Variants in BBS9 observed in about 807,000 individuals in gnomAD.
BBS9 encodes protein PTHB1.
Under a neutral mutation model 117.7 loss-of-function variants are expected in BBS9, and 89 were observed. That is an observed-to-expected ratio of 0.76 (90% CI 0.64 to 0.90). The LOEUF (loss-of-function observed/expected upper bound fraction) is 0.90, where lower values mean the gene tolerates loss of function less well. BBS9 is among the 40% of genes least tolerant of loss of function. The pLI, the probability that BBS9 is intolerant of heterozygous loss-of-function variation, is 0.00. For missense variants in BBS9, 982 were observed against 1,042.2 expected, an observed-to-expected ratio of 0.94 and a Z score of 0.80; for synonymous variants, 379 against 370.9, an observed-to-expected ratio of 1.02 and a Z score of -0.25.
At chr7:33,495,293 C>T (rs1844556316) in intron 19 of BBS9, among the ~76,000 whole-genome samples, 1 of 152,172 alleles carries the variant, frequency 6.6e-6, no homozygotes, top group Non-Finnish European at 1.5e-5. Context: ...GCACTTGCTA[C>T]CTTAGCTAAA....
At chr7:33,549,680 C>T (rs1274643004) in intron 21 of BBS9, among the ~76,000 whole-genome samples, 4 of 151,724 alleles carry the variant, frequency 2.6e-5, no homozygotes, top group Admixed American at 1.3e-4. Context: ...TGAAAAAATG[C>T]TCATCATCAC....
chr7:33,384,056 G>A (rs926458051), intron 18 of BBS9, among the ~76,000 whole-genome samples: 4 of 152,146 alleles, frequency 2.6e-5, no homozygotes, highest in East Asian at 1.9e-4. Flanking sequence ...TAACCATGTC[G>A]TCTGGCCCTG....
chr7:33,144,500 C>A (rs1792029455), intron 1 of BBS9, among the ~76,000 whole-genome samples: 1 of 152,222 alleles, frequency 6.6e-6, no homozygotes, highest in African/African-American at 2.4e-5. Flanking sequence ...ATGTTCCCAG[C>A]TGATGTTAAA....
chr7:33,478,282 G>A (rs1202684832), intron 19 of BBS9, among the ~76,000 whole-genome samples: 2 of 152,116 alleles, frequency 1.3e-5, no homozygotes, highest in Non-Finnish European at 2.9e-5. Flanking sequence ...GTTTCAAGGG[G>A]TTTACCAACA....
At chr7:33,402,348 C>T (rs916941037) in intron 19 of BBS9, among the ~76,000 whole-genome samples, 5 of 152,072 alleles carry the variant, frequency 3.3e-5, no homozygotes, top group African/African-American at 9.7e-5. Context: ...TGAAAAAGAA[C>T]GCAGCTTTAT....
chr7:33,293,005 C>T (rs374749083), intron 9 of BBS9, among the ~76,000 whole-genome samples: 1 of 109,830 alleles, frequency 9.1e-6, no homozygotes, highest in African/African-American at 3.5e-5. Flanking sequence ...GACTCCGTCT[C>T]AAAAAAAAAA....
Position 33,352,873 on chromosome 7 carries a change from G to A in BBS9, c.1552G>A (p.Gly518Ser), listed in dbSNP as rs1296417654. The A allele has an allele frequency of 6.2e-7, 1 of 1,611,984 alleles. No individual in the cohort carries two copies. The highest frequency in any genetic ancestry group is 1.3e-5 in the African/African-American group (1 of 74,808). Residue 518 changes from glycine to serine, a missense_variant and splice_region_variant, in exon 15 of 23, where the codon GGC (glycine) becomes AGC (serine). Transcript: ENST00000242067. ...YSRPTDRNPD[G>S]IPRVIQCKFR... ...GTGATGGACAGATCGAAATCCTGAT[G>A]GTAAGTGTAAAGATAATTTAGAAAA...
intron 16 of BBS9, among the ~76,000 whole-genome samples, chr7:33,366,328 T>C (rs1186795412): frequency 2.0e-5 from 3 of 152,076 alleles, no homozygotes; most frequent in African/African-American, 7.2e-5. Context: ...ATCTTAGGTA[T>C]GCCGATATAA....
intron 5 of BBS9, among the ~76,000 whole-genome samples, chr7:33,204,247 T>C (rs1786474410): frequency 1.2e-5 from 1 of 82,134 alleles, no homozygotes; most frequent in Non-Finnish European, 2.5e-5. Context: ...TCTACAAAAA[T>C]ACAAAAATTA....
At chr7:33,217,547 C>T (rs1789317108) in intron 5 of BBS9, among the ~76,000 whole-genome samples, 1 of 152,158 alleles carries the variant, frequency 6.6e-6, no homozygotes, top group Non-Finnish European at 1.5e-5. Flanking sequence ...TATGTGGACT[C>T]CATATAATGT....
At chr7:33,346,831 C>A (rs1233330792) in intron 12 of BBS9, among the ~76,000 whole-genome samples, 2 of 152,188 alleles carry the variant, frequency 1.3e-5, no homozygotes, top group Non-Finnish European at 2.9e-5. Context: ...TGGCTTATTA[C>A]TACTTAAAGG....
rs114230698 is a variant in BBS9, at chr7:33,260,669, C to T, written c.617+3259C>T. On this transcript the variant is annotated intron_variant, in intron 6 of 22. Transcript: ENST00000242067. ...GGTACTGGAAATGTAGTCAAATAGACGTGCCTCTTATCCTCAAATAGTATT... is the reference window on the plus strand; with the variant it reads ...GGTACTGGAAATGTAGTCAAATAGATGTGCCTCTTATCCTCAAATAGTATT... Among the ~76,000 whole-genome samples, 787 of 152,328 alleles carry T rather than the reference C, an allele frequency of 5.2e-3. 5 individuals carry two copies. The highest frequency in any genetic ancestry group is 0.018 in the African/African-American group (730 of 41,574).
At chr7:33,549,096 A>G (rs1330217159) in intron 21 of BBS9, among the ~76,000 whole-genome samples, 1 of 149,344 alleles carries the variant, frequency 6.7e-6, no homozygotes, top group Admixed American at 6.6e-5. Context: ...TCAATGGAAC[A>G]GAACAGAGCC....
intron 9 of BBS9, among the ~76,000 whole-genome samples, chr7:33,306,489 A>G (rs1808008020): frequency 6.6e-6 from 1 of 152,128 alleles, no homozygotes; most frequent in Admixed American, 6.5e-5. Flanking sequence ...TGAGTCTTTT[A>G]CAATCAATAA....
At chr7:33,382,825 G>A (rs1281793705) in intron 17 of BBS9, among the ~76,000 whole-genome samples, 1 of 152,208 alleles carries the variant, frequency 6.6e-6, no homozygotes, top group African/African-American at 2.4e-5. Flanking sequence ...TGATGAAGAA[G>A]TACGATTTAG....
intron 9 of BBS9, among the ~76,000 whole-genome samples, chr7:33,301,690 A>T (rs2128425400): frequency 6.6e-6 from 1 of 152,194 alleles, no homozygotes; most frequent in East Asian, 1.9e-4. Flanking sequence ...ATGGACACTT[A>T]GTTTGCTTCC....
chr7:33,224,077 TAGTC>T (rs752784679), intron 5 of BBS9, among the ~76,000 whole-genome samples: 9 of 152,356 alleles, frequency 5.9e-5, no homozygotes, highest in African/African-American at 1.2e-4. Flanking sequence ...ATTTTGTGAT[TAGTC>T]AGATTTGTAT....
At chr7:33,289,072 ACT>A (rs1803476285) in intron 9 of BBS9, among the ~76,000 whole-genome samples, 1 of 151,924 alleles carries the variant, frequency 6.6e-6, no homozygotes, top group African/African-American at 2.4e-5. Context: ...TTACTGAAAA[ACT>A]CTGATACATT....
At chr7:33,611,047 G>A (rs1864827741), downstream of BBS9, among the ~76,000 whole-genome samples, 1 of 152,116 alleles carries the variant, frequency 6.6e-6, no homozygotes, top group African/African-American at 2.4e-5. Context: ...ACAGCAAGCT[G>A]TCAGATTGAA....
Sources: allele counts gnomAD v4.1 joint callset (sites outside exome capture counted in the v4.1 genomes callset), GRCh38; gene constraint gnomAD v4.1.1; transcripts MANE v1.5; gene names NCBI Gene and HGNC (gene_info 2026-07-23, HGNC 2026-07-21).